Variants in MPHOSPH6 observed in about 807,000 individuals in gnomAD.
MPHOSPH6 encodes the protein M-phase phosphoprotein 6.
In MPHOSPH6, 25 loss-of-function variants were observed where a neutral mutation model predicts 21.8. The observed-to-expected ratio is 1.15, with a 90% CI of 0.83 to 1.60. MPHOSPH6 has a LOEUF of 1.60. MPHOSPH6 is among the 40% of genes most tolerant of loss of function. The pLI, the probability that MPHOSPH6 is intolerant of heterozygous loss-of-function variation, is 0.00. For synonymous variants in MPHOSPH6, 84 were observed against 56.5 expected (o/e 1.49, Z -2.18); for missense variants, 269 against 181.8 (o/e 1.48, Z -2.76).
At chr16:82,164,260 A>G in intron 1 of MPHOSPH6, 66 bp from the exon 2 acceptor site, 1 of 1,039,004 alleles carries the variant, frequency 9.6e-7, no homozygotes, top group African/African-American at 1.6e-5. Flanking sequence ...AACCCCAAAT[A>G]ATTTTCTTCT....
chr16:82,167,860 G>C (rs951519740), intron 1 of MPHOSPH6, among the ~76,000 whole-genome samples: 2 of 152,184 alleles, frequency 1.3e-5, no homozygotes, highest in African/African-American at 4.8e-5. Flanking sequence ...ACAGGTCATG[G>C]ACTGGTGCTG....
At chr16:82,149,757 C>T (rs989120563) in intron 3 of MPHOSPH6, among the ~76,000 whole-genome samples, 4 of 152,094 alleles carry the variant, frequency 2.6e-5, no homozygotes, top group Non-Finnish European at 4.4e-5. Context: ...GAACTTCCCC[C>T]ACCCATCTTT....
intron 2 of MPHOSPH6, among the ~76,000 whole-genome samples, chr16:82,162,488 AG>A (rs1337935627): frequency 6.6e-6 from 1 of 152,152 alleles, no homozygotes; most frequent in Non-Finnish European, 1.5e-5. Flanking sequence ...CTCCCTTGCT[AG>A]GATGACCTTG....
chr16:82,166,545 C>T (rs965341764), intron 1 of MPHOSPH6, among the ~76,000 whole-genome samples: 2 of 152,188 alleles, frequency 1.3e-5, no homozygotes, highest in African/African-American at 4.8e-5. Flanking sequence ...CACCATCGTG[C>T]TGCTTTGGTG....
Position 82,148,758 on chromosome 16 carries a change from C to T in MPHOSPH6, c.456G>A (p.Lys152=). 5.0e-6 allele frequency: 8 copies of T among 1,614,144 alleles called. No individual in the cohort carries two copies. The highest frequency in any genetic ancestry group is 1.1e-5 in the South Asian group (1 of 91,080). ...ENGDITPIKA[K]KMFLKPQD ...AATCCTGGGGCTTTAAGAACATCTT[C>T]TTTGCTTTAATTGGTGTTATGTCTC... Residue 152 remains lysine, a synonymous_variant, in exon 5 of 5, where the codon AAG becomes AAA. Transcript: ENST00000258169.
chr16:82,169,839 C>A (rs924705809), intron 1 of MPHOSPH6, among the ~76,000 whole-genome samples: 2 of 152,130 alleles, frequency 1.3e-5, no homozygotes, highest in Admixed American at 6.5e-5. Context: ...TCCCCAAGGT[C>A]CCCAGCGCTT....
At chr16:82,165,620 T>C (rs1282079436) in intron 1 of MPHOSPH6, among the ~76,000 whole-genome samples, 2 of 152,252 alleles carry the variant, frequency 1.3e-5, no homozygotes, top group African/African-American at 4.8e-5. Flanking sequence ...ATTACAATGC[T>C]GCATTTTTAT....
chr16:82,163,806 C>A, intron 2 of MPHOSPH6: 1 of 300,766 alleles, frequency 3.3e-6, no homozygotes, highest in Non-Finnish European at 6.1e-6. Flanking sequence ...TACAGCTTCC[C>A]CAAAGGTCTG....
intron 2 of MPHOSPH6, among the ~76,000 whole-genome samples, chr16:82,159,935 G>C (rs375083602): frequency 3.3e-5 from 5 of 152,166 alleles, no homozygotes; most frequent in African/African-American, 4.8e-5. Context: ...ATTCCTTATA[G>C]AGGGAGCAGC....
intron 2 of MPHOSPH6, among the ~76,000 whole-genome samples, chr16:82,157,995 C>G (rs8057418): frequency 0.068 from 10,321 of 152,154 alleles, 654 homozygotes; most frequent in African/African-American, 0.16. Flanking sequence ...TAAAACGAAT[C>G]TTAGCATGAG....
chr16:82,168,263 A>G (rs569727025), intron 1 of MPHOSPH6, among the ~76,000 whole-genome samples: 2 of 152,010 alleles, frequency 1.3e-5, no homozygotes, highest in African/African-American at 4.8e-5. Flanking sequence ...TGGCCAATTC[A>G]CTCCACTTCT....
chr16:82,158,252 G>T (rs751698727), intron 2 of MPHOSPH6, among the ~76,000 whole-genome samples: 6 of 151,826 alleles, frequency 4.0e-5, no homozygotes, highest in Non-Finnish European at 7.4e-5. Context: ...AGTTTGGGAG[G>T]CCGAAGCAGG....
Position 82,148,396 on chromosome 16 carries a change from A to C in MPHOSPH6, c.*335T>G, listed in dbSNP as rs1906149698. 1.1e-5 allele frequency: 2 copies of C among 186,442 alleles called. No individual in the cohort carries two copies. Among genetic ancestry groups the C allele is most frequent in the Non-Finnish European group, 2.2e-5 (2 of 91,810 alleles). 11.5% of individuals were successfully genotyped at this position (186,442 alleles called of 1,614,324 possible). On this transcript the variant is annotated 3_prime_UTR_variant, in exon 5 of 5. Transcript: ENST00000258169. ...ATATAAACATAAGGGCAATTTAAAC[A>C]TTGGCAGTAGTTTATGTAAGTCAAT...
Position 82,148,847 on chromosome 16 carries a change from C to A in MPHOSPH6, c.367G>T (p.Gly123Trp). Residue 123 changes from glycine to tryptophan, a missense_variant, in exon 5 of 5, where the codon GGG becomes TGG. Gly to Trp is a radical substitution (Grantham distance 184). Transcript: ENST00000258169. ...EMARRYETLVGTIGKKFARKR... is the reference protein window; with the variant it reads ...EMARRYETLVWTIGKKFARKR... Reference sequence around the variant, plus strand: ...CTGGCAAACTTTTTCCCAATTGTCCCCACCAAGGTCTCATATCTGTCAAGA... The same window carrying A: ...CTGGCAAACTTTTTCCCAATTGTCCACACCAAGGTCTCATATCTGTCAAGA... 1 of 1,614,068 alleles carries A rather than the reference C, an allele frequency of 6.2e-7. No homozygotes were observed. The highest frequency in any genetic ancestry group is 8.5e-7 in the Non-Finnish European group (1 of 1,179,998).
rs185819814 is a variant in MPHOSPH6 at position 82,169,867 on chromosome 16, G to C, written c.51+258C>G. Among the ~76,000 whole-genome samples, 112 of 152,310 alleles carry C rather than the reference G, an allele frequency of 7.4e-4. No individual in the cohort carries two copies. The South Asian group carries it at 7.5e-3, about 10-fold the overall frequency. On this transcript the variant is annotated intron_variant, in intron 1 of 4. Coordinates refer to ENST00000258169, the MANE Select transcript of MPHOSPH6 (RefSeq NM_005792.2). ...CAGCGCTTCTACCCTCACTGCACTG[G>C]GTAAGCTGTACCCTGACTGCTTCTG...
Position 82,149,343 on chromosome 16 carries a change from C to G in MPHOSPH6, c.316G>C (p.Glu106Gln), listed in dbSNP as rs1225789437. 6.2e-7 allele frequency: 1 copy of G among 1,613,380 alleles called. No individual in the cohort carries two copies. The highest frequency in any genetic ancestry group is 1.7e-5 in the Admixed American group (1 of 60,030). The change falls in exon 4 of 5, where the codon GAG becomes CAG. Residue 106 changes from glutamate to glutamine, a missense_variant. Coordinates refer to ENST00000258169, the MANE Select transcript of MPHOSPH6 (RefSeq NM_005792.2). ...KAEEVEDETVELDVSDEEMAR... is the reference protein window; with the variant it reads ...KAEEVEDETVQLDVSDEEMAR... ...ATCTCTTCATCTGACACATCAAGCT[C>G]TACTGTTTCATCTTCAACTTCTTCT... is the stretch of plus-strand genomic sequence containing the variant.
intron 2 of MPHOSPH6, among the ~76,000 whole-genome samples, chr16:82,158,205 T>C (rs2142410987): frequency 6.6e-6 from 1 of 152,142 alleles, no homozygotes; most frequent in South Asian, 2.1e-4. Context: ...AAGATACTTC[T>C]TAGCCGGGCG....
chr16:82,163,890 G>A, intron 2 of MPHOSPH6, 192 bp downstream of exon 2: 1 of 500,036 alleles, frequency 2.0e-6, no homozygotes, highest in Non-Finnish European at 3.5e-6. Context: ...GGCTGGGAGG[G>A]GGAGTAGTAA....
chr16:82,152,895 G>C (rs1906311324), intron 2 of MPHOSPH6, among the ~76,000 whole-genome samples: 1 of 152,206 alleles, frequency 6.6e-6, no homozygotes. Context: ...TTCTCATAAA[G>C]ATTCCCTTAT....
Sources: gnomAD v4.1 joint callset for allele counts (sites outside exome capture counted in the v4.1 genomes callset) on GRCh38, gnomAD v4.1.1 for gene constraint, MANE v1.5 for transcripts, NCBI Gene and HGNC (gene_info 2026-07-23, HGNC 2026-07-21) for gene names.